PRKCQ: variants seen among roughly 807,000 people sequenced by gnomAD.
The protein encoded by PRKCQ is protein kinase C theta, also known as protein kinase C theta type.
A neutral mutation model predicts 91.2 loss-of-function variants in PRKCQ; 41 were observed. The observed-to-expected ratio is 0.45, with a 90% CI of 0.35 to 0.58. PRKCQ has a LOEUF of 0.58. Ranked by LOEUF, PRKCQ falls within the 20% of genes least tolerant of loss-of-function variation. The pLI is 0.00. For synonymous variants in PRKCQ, 307 were observed against 316.9 expected (o/e 0.97, Z 0.33); for missense variants, 673 against 896.5 (o/e 0.75, Z 3.18).
intron 16 of PRKCQ, among the ~76,000 whole-genome samples, chr10:6,438,468 G>A (rs75210874): frequency 0.017 from 2,569 of 152,292 alleles, 78 homozygotes; most frequent in African/African-American, 0.059. Context: ...GCACGAACAA[G>A]GCTAAAAATT....
At chr10:6,461,720 C>CT (rs1247466732) in intron 14 of PRKCQ, among the ~76,000 whole-genome samples, 1 of 152,078 alleles carries the variant, frequency 6.6e-6, no homozygotes, top group South Asian at 2.1e-4. Flanking sequence ...TAGATCCTTT[C>CT]TTTTTTTTCC....
intron 1 of PRKCQ, among the ~76,000 whole-genome samples, chr10:6,577,887 C>A (rs573269286): frequency 1.3e-5 from 2 of 151,982 alleles, no homozygotes; most frequent in African/African-American, 4.8e-5. Flanking sequence ...TTCTGAATCC[C>A]CGAAGTTACA....
At chr10:6,407,554 ATGTGTGTATGGCG>A in the PRKCQ span, among the ~76,000 whole-genome samples, 1 of 151,094 alleles carries the variant, frequency 6.6e-6, no homozygotes, top group Non-Finnish European at 1.5e-5. This position sits in a 1 kb window ranked among gnomAD's most constrained non-coding sequence, Gnocchi z 4.0. Flanking sequence ...TGTGTATGGC[ATGTGTGTATGGCG>A]TGTGAATGTG....
chr10:6,416,854 C>T, the PRKCQ span, among the ~76,000 whole-genome samples: 3 of 152,182 alleles, frequency 2.0e-5, no homozygotes, highest in African/African-American at 7.2e-5. Flanking sequence ...GTTGTCTTTT[C>T]ACCACATCCC....
At chr10:6,574,588 G>A (rs1841159674) in intron 1 of PRKCQ, among the ~76,000 whole-genome samples, 2 of 152,126 alleles carry the variant, frequency 1.3e-5, no homozygotes, top group Admixed American at 6.5e-5. Context: ...CCCACACACT[G>A]GCACATGCTC....
chr10:6,476,988 T>C (rs1037756871), intron 12 of PRKCQ, among the ~76,000 whole-genome samples: 3 of 152,108 alleles, frequency 2.0e-5, no homozygotes, highest in Non-Finnish European at 2.9e-5. Flanking sequence ...AGGAGGGAGT[T>C]TCTAGTACAA....
chr10:6,565,599 G>A (rs1840811329), intron 1 of PRKCQ, among the ~76,000 whole-genome samples: 1 of 152,112 alleles, frequency 6.6e-6, no homozygotes, highest in African/African-American at 2.4e-5. Context: ...GAAACAAAAA[G>A]CCCTTTCTTC....
At chr10:6,537,851 ACT>A (rs1012540920) in intron 1 of PRKCQ, among the ~76,000 whole-genome samples, 2 of 152,156 alleles carry the variant, frequency 1.3e-5, no homozygotes, top group African/African-American at 4.8e-5. Context: ...GGGCAAGCTA[ACT>A]TTCCCCTTTT....
At chr10:6,502,456 G>A (rs1409521809) in intron 4 of PRKCQ, among the ~76,000 whole-genome samples, 2 of 152,236 alleles carry the variant, frequency 1.3e-5, no homozygotes, top group Non-Finnish European at 2.9e-5. Context: ...AGCACTAGCT[G>A]GGCATTGCCA....
At chr10:6,437,495 T>C (rs1378257199) in intron 16 of PRKCQ, among the ~76,000 whole-genome samples, 1 of 152,186 alleles carries the variant, frequency 6.6e-6, no homozygotes, top group Non-Finnish European at 1.5e-5. Context: ...GTCTGTGATA[T>C]CTTGTTATGG....
At chr10:6,480,790 T>G (rs1245942231) in intron 11 of PRKCQ, among the ~76,000 whole-genome samples, 1 of 152,216 alleles carries the variant, frequency 6.6e-6, no homozygotes, top group Non-Finnish European at 1.5e-5. Flanking sequence ...GCCCTGAACA[T>G]GTAAGTGTCT....
intron 16 of PRKCQ, among the ~76,000 whole-genome samples, chr10:6,432,244 T>G (rs1298301712): frequency 6.6e-6 from 1 of 152,206 alleles, no homozygotes; most frequent in Non-Finnish European, 1.5e-5. Context: ...TTTTTACTGC[T>G]CATAAACATA....
chr10:6,476,807 T>C (rs1588719895), intron 12 of PRKCQ, among the ~76,000 whole-genome samples: 1 of 152,212 alleles, frequency 6.6e-6, no homozygotes, highest in East Asian at 1.9e-4. Context: ...AGCCCCAGCA[T>C]GTGCAGAAAA....
intron 1 of PRKCQ, among the ~76,000 whole-genome samples, chr10:6,577,714 C>T (rs1468871257): frequency 1.1e-4 from 17 of 152,120 alleles, no homozygotes; most frequent in Admixed American, 6.5e-5. Context: ...CAAACCAGCA[C>T]ATTAGCAACA....
the PRKCQ span, among the ~76,000 whole-genome samples, chr10:6,417,858 T>C: frequency 0.086 from 13,135 of 152,254 alleles, 772 homozygotes; most frequent in Middle Eastern, 0.19. Context: ...CATTCCTACA[T>C]CTCCAGCTTC....
intron 16 of PRKCQ, among the ~76,000 whole-genome samples, chr10:6,437,177 C>T (rs1422961314): frequency 4.6e-5 from 7 of 152,132 alleles, no homozygotes; most frequent in South Asian, 2.1e-4. Flanking sequence ...GACTGAATGG[C>T]GTCCTCTCAA....
intron 1 of PRKCQ, among the ~76,000 whole-genome samples, chr10:6,551,905 C>A (rs531082546): frequency 2.0e-4 from 31 of 152,270 alleles, no homozygotes; most frequent in African/African-American, 7.5e-4. Flanking sequence ...TACTGCTTTC[C>A]ACAATGGTTG....
chr10:6,410,996 AAG>A, the PRKCQ span, among the ~76,000 whole-genome samples: 1 of 151,202 alleles, frequency 6.6e-6, no homozygotes, highest in Non-Finnish European at 1.5e-5. Flanking sequence ...AAAAAAAAAA[AAG>A]GTCCATTCCA....
the PRKCQ span, among the ~76,000 whole-genome samples, chr10:6,395,775 T>C: frequency 1.3e-5 from 2 of 152,300 alleles, no homozygotes; most frequent in East Asian, 3.9e-4. Flanking sequence ...AGGTCAGATC[T>C]CTTTCACTGT....
Sources: gnomAD v4.1 joint callset for allele counts (sites outside exome capture counted in the v4.1 genomes callset) on GRCh38, gnomAD v4.1.1 for gene constraint, Gnocchi (gnomAD v3.1) non-coding constraint, MANE v1.5 for transcripts, NCBI Gene and HGNC (gene_info 2026-07-23, HGNC 2026-07-21) for gene names.